CENPO: variants seen among roughly 807,000 people sequenced by gnomAD.
The protein encoded by CENPO is centromeric protein O.
A neutral mutation model predicts 36.1 loss-of-function variants in CENPO; 30 were observed. That is an observed-to-expected ratio of 0.83 (90% CI 0.62 to 1.13). The LOEUF is 1.13. Ranked by LOEUF, CENPO falls within the 50% of genes most tolerant of loss-of-function variation. CENPO has a pLI of 0.00. For synonymous variants in CENPO, 171 were observed against 142.3 expected (o/e 1.20, Z -1.44); for missense variants, 349 against 357.8 (o/e 0.98, Z 0.20).
rs192568231 is a variant in CENPO at position 24,809,538 on chromosome 2, G to A, written c.217-4838G>A. ...TCTTTTTCTTTTTCTTTTTTTGTTT[G>A]TATTTTTTCTTTTTTGTTTTTTGTA... On this transcript the variant is annotated intron_variant, in intron 3 of 7. Coordinates refer to ENST00000380834, the MANE Select transcript of CENPO (RefSeq NM_001322101.2). Among the ~76,000 whole-genome samples the A allele has an allele frequency of 8.6e-5, 13 of 151,124 alleles. No individual in the cohort carries two copies. The East Asian group carries it at 2.5e-3, about 29-fold the overall frequency.
chr2:24,822,262 C>T lies in CENPO; in HGVS notation c.*2944C>T. The T allele has an allele frequency of 4.9e-6, 2 of 404,524 alleles. No individual in the cohort carries two copies. The highest frequency in any genetic ancestry group is 4.4e-6 in the Non-Finnish European group (1 of 226,078). 25.1% of individuals were successfully genotyped at this position (404,524 alleles called of 1,614,324 possible). ...TATGAAAGCACAGAGCCTTAGGGGGCCTGGCCACAGAACACAACCATCTTA... is the reference window on the plus strand; with the variant it reads ...TATGAAAGCACAGAGCCTTAGGGGGTCTGGCCACAGAACACAACCATCTTA... On this transcript the variant is annotated 3_prime_UTR_variant, in exon 8 of 8. Coordinates refer to ENST00000380834, the MANE Select transcript of CENPO (RefSeq NM_001322101.2).
At chr2:24,807,626 A>G (rs544283377) in intron 3 of CENPO, among the ~76,000 whole-genome samples, 64 of 152,368 alleles carry the variant, frequency 4.2e-4, no homozygotes, top group African/African-American at 1.5e-3. Flanking sequence ...GTCCTTTGAT[A>G]TAAAAATATA....
chr2:24,799,245 G>T (rs1270414147), intron 2 of CENPO, among the ~76,000 whole-genome samples: 2 of 152,042 alleles, frequency 1.3e-5, no homozygotes, highest in East Asian at 3.9e-4. Flanking sequence ...TGATCCACCC[G>T]CCTTGGCCCC....
chr2:24,815,282 T>G lies in CENPO; in HGVS notation c.335-215T>G, dbSNP rs192075428. 6.7e-4 allele frequency among the ~76,000 whole-genome samples: 102 copies of G among 152,140 alleles called. 3 individuals carry two copies. The highest frequency in any genetic ancestry group is 6.2e-4 in the South Asian group (3 of 4,818). On this transcript the variant is annotated intron_variant, in intron 4 of 7. Coordinates refer to ENST00000380834, the MANE Select transcript of CENPO (RefSeq NM_001322101.2). ...TTTCTCAATAGTTTGACATTTAGGT[T>G]GTTTTTTCATTTTTACCATTCTTCC...
At chr2:24,809,966 T>C (rs1666601184) in intron 3 of CENPO, among the ~76,000 whole-genome samples, 1 of 151,664 alleles carries the variant, frequency 6.6e-6, no homozygotes, top group Admixed American at 6.6e-5. Flanking sequence ...GAGAATCACT[T>C]GAACCTGGGA....
intron 4 of CENPO, 134 bp downstream of exon 4, chr2:24,814,627 CACACACACACACAG>C: frequency 3.1e-6 from 2 of 640,312 alleles, no homozygotes; most frequent in South Asian, 3.5e-5. Flanking sequence ...CACTCACACA[CACACACACACACAG>C]ACACACACAC....
chr2:24,822,173 C>T lies in CENPO; in HGVS notation c.*2855C>T, dbSNP rs147123606. On this transcript the variant is annotated 3_prime_UTR_variant, in exon 8 of 8. Coordinates refer to ENST00000380834, the MANE Select transcript of CENPO (RefSeq NM_001322101.2). ...TTAGCTTAACAAAAGAACAGGCTGC[C>T]GTCAGCCAGAGTTCTGAAGGCCATG... is the stretch of plus-strand genomic sequence containing the variant. 4 of 217,372 alleles carry T rather than the reference C, an allele frequency of 1.8e-5. No individual in the cohort carries two copies. The highest frequency in any genetic ancestry group is 2.2e-4 in the South Asian group (2 of 9,242). 13.5% of individuals were successfully genotyped at this position (217,372 alleles called of 1,614,324 possible).
At chr2:24,818,028 T>TTAA (rs1667040651) in intron 7 of CENPO, among the ~76,000 whole-genome samples, 187 bp downstream of exon 7, 1 of 152,360 alleles carries the variant, frequency 6.6e-6, no homozygotes, top group South Asian at 2.1e-4. Flanking sequence ...CTCAAGATGT[T>TTAA]TTTTAAAGGT....
intron 3 of CENPO, among the ~76,000 whole-genome samples, chr2:24,805,496 G>A (rs1307618440): frequency 6.6e-6 from 1 of 152,162 alleles, no homozygotes; most frequent in African/African-American, 2.4e-5. Context: ...CGTACAGATG[G>A]GGTTTTGGTG....
In CENPO at chr2:24,821,619, G is replaced by GCT. The variant is rs1667727794; in HGVS notation, c.*2309_*2310dup. 1.2e-6 allele frequency: 2 copies of GCT among 1,614,052 alleles called. No homozygotes were observed. Among genetic ancestry groups the GCT allele is most frequent in the Non-Finnish European group, 1.7e-6 (2 of 1,180,008 alleles). ...GCCAGGTCAGCCAGGTGCTGCCAGC[G>GCT]CTCTCTCTCGGACTTGTCTTCCTGT... On this transcript the variant is annotated 3_prime_UTR_variant, in exon 8 of 8. Coordinates refer to ENST00000380834, the MANE Select transcript of CENPO (RefSeq NM_001322101.2).
chr2:24,821,389 G>GT lies in CENPO; in HGVS notation c.*2072dup. On this transcript the variant is annotated 3_prime_UTR_variant, in exon 8 of 8. Transcript: ENST00000380834. The stretch of plus-strand genomic sequence containing the variant: ...AAGGTCTTTCAGGTCTCCTTGCCCT[G>GT]TGAGTGCGTGAACCTCCCCACCCGA... The GT allele has an allele frequency of 7.3e-7, 1 of 1,367,976 alleles. No individual in the cohort carries two copies. The highest frequency in any genetic ancestry group is 1.0e-6 in the Non-Finnish European group (1 of 1,003,756). The allele number at this position is 1,367,976 out of a possible 1,614,324, so 84.7% of individuals were successfully genotyped here. A position where few individuals can be genotyped will look rare whatever the true frequency, so the allele number is the denominator to read the frequency against.
chr2:24,811,299 T>TTTTTTTTG (rs1666672731), intron 3 of CENPO, among the ~76,000 whole-genome samples: 3 of 141,196 alleles, frequency 2.1e-5, no homozygotes, highest in Non-Finnish European at 3.2e-5. Flanking sequence ...TTTTTTTTTT[T>TTTTTTTTG]GAGACGGAGC....
chr2:24,795,853 G>C (rs1665877061), intron 2 of CENPO, among the ~76,000 whole-genome samples: 1 of 152,168 alleles, frequency 6.6e-6, no homozygotes, highest in East Asian at 1.9e-4. Flanking sequence ...TTGGTCCATA[G>C]TAAATTCTCA....
rs938640671 is a variant in CENPO, at chr2:24,820,447, C to T, written c.*1129C>T. ...CCTTTCGTGGAGCTTTTCTGCCAGA[C>T]GCCACTGAGACAGATCACAAGGTAT... is the stretch of plus-strand genomic sequence containing the variant. On this transcript the variant is annotated 3_prime_UTR_variant, in exon 8 of 8. Coordinates refer to ENST00000380834, the MANE Select transcript of CENPO (RefSeq NM_001322101.2). The T allele has an allele frequency of 2.7e-5, 35 of 1,315,156 alleles. No individual in the cohort carries two copies. Among genetic ancestry groups the T allele is most frequent in the Admixed American group, 1.8e-4 (5 of 27,756 alleles). 81.5% of individuals were successfully genotyped at this position (1,315,156 alleles called of 1,614,324 possible). A position where few individuals can be genotyped will look rare whatever the true frequency, so the allele number is the denominator to read the frequency against.
chr2:24,811,888 G>T (rs935395050), intron 3 of CENPO, among the ~76,000 whole-genome samples: 3 of 152,152 alleles, frequency 2.0e-5, no homozygotes, highest in Non-Finnish European at 4.4e-5. Flanking sequence ...GAGCCACCGC[G>T]CCTGGCAAGT....
At chr2:24,807,125 C>T (rs903173256) in intron 3 of CENPO, among the ~76,000 whole-genome samples, 1 of 152,192 alleles carries the variant, frequency 6.6e-6, no homozygotes, top group Non-Finnish European at 1.5e-5. Context: ...TCCTCCCCCT[C>T]TTCCTTTTCC....
At position 24,821,602 on chromosome 2, in the gene CENPO, A is replaced by G; in HGVS notation, c.*2284A>G. 2 of 1,614,202 alleles carry G rather than the reference A, an allele frequency of 1.2e-6. No individual in the cohort carries two copies. The highest frequency in any genetic ancestry group is 8.5e-7 in the Non-Finnish European group (1 of 1,180,040). On this transcript the variant is annotated 3_prime_UTR_variant, in exon 8 of 8. Transcript: ENST00000380834. ...TGGCCAGCGCGAAGTCGGCCAGGTC[A>G]GCCAGGTGCTGCCAGCGCTCTCTCT... is the stretch of plus-strand genomic sequence containing the variant.
At position 24,821,561 on chromosome 2, in the gene CENPO, G is replaced by T. The variant is rs757689573; in HGVS notation, c.*2243G>T. On this transcript the variant is annotated 3_prime_UTR_variant, in exon 8 of 8. Transcript: ENST00000380834. ...ATTGAAGGACTGGTTGTTGATGTTG[G>T]TGAGCGTATCCTTCATGGCCAGCGC... 13 of 1,614,052 alleles carry T rather than the reference G, an allele frequency of 8.1e-6. No individual in the cohort carries two copies. The highest frequency in any genetic ancestry group is 1.0e-5 in the Non-Finnish European group (12 of 1,180,010).
rs3198665 is a variant in CENPO at position 24,821,885 on chromosome 2, A to G, written c.*2567A>G. The G allele has an allele frequency of 0.59, 274,265 of 466,170 alleles. 82,914 individuals carry two copies. Among genetic ancestry groups the G allele is most frequent in the Admixed American group, 0.72 (18,781 of 26,160 alleles). The allele number at this position is 466,170 out of a possible 1,614,324, so 28.9% of individuals were successfully genotyped here. The stretch of plus-strand genomic sequence containing the variant: ...AGGAGACGGACCTGTGAGTCTGACC[A>G]CGAGGCGGACCCCTTCACCTTGGCT... On this transcript the variant is annotated 3_prime_UTR_variant, in exon 8 of 8. Coordinates refer to ENST00000380834, the MANE Select transcript of CENPO (RefSeq NM_001322101.2).
Sources: gnomAD v4.1 joint callset for allele counts (sites outside exome capture counted in the v4.1 genomes callset) on GRCh38, gnomAD v4.1.1 for gene constraint, MANE v1.5 for transcripts, NCBI Gene and HGNC (gene_info 2026-07-23, HGNC 2026-07-21) for gene names.